The following SLC25A37 variants were observed in gnomAD, a reference collection of about 807,000 sequenced individuals.
The protein encoded by SLC25A37 is solute carrier family 25 member 37, also known as mitoferrin-1.
SLC25A37 carries 17 observed loss-of-function variants against 31.0 expected under a neutral mutation model. The ratio of observed to expected loss-of-function variants is 0.55; its 90% CI spans 0.38 to 0.82. The LOEUF is 0.82. Ranked by LOEUF, SLC25A37 falls within the 40% of genes least tolerant of loss-of-function variation. The pLI is 0.00. For missense variants in SLC25A37, 404 were observed against 465.8 expected (o/e 0.87, Z 1.22); for synonymous variants, 222 against 193.0 (o/e 1.15, Z -1.24).
At chr8:23,542,106 G>A (rs946201659) in intron 1 of SLC25A37, among the ~76,000 whole-genome samples, 2 of 152,068 alleles carry the variant, frequency 1.3e-5, no homozygotes, top group African/African-American at 2.4e-5. Context: ...ACGATGTTTC[G>A]GTCAACTATG....
rs894708716 is a variant in SLC25A37 at position 23,572,916 on chromosome 8, G to A, written c.*1061G>A. 6.6e-6 allele frequency: 1 copy of A among 152,374 alleles called. No individual in the cohort carries two copies. The highest frequency in any genetic ancestry group is 2.4e-5 in the African/African-American group (1 of 41,580). 9.4% of individuals were successfully genotyped at this position (152,374 alleles called of 1,614,324 possible). A position where few individuals can be genotyped will look rare whatever the true frequency, so the allele number is the denominator to read the frequency against. ...CTTGATAGGCAGCATTTGGCGACTT[G>A]TGGGGCAGGTGTTTGGGATAAATCC... On this transcript the variant is annotated 3_prime_UTR_variant, in exon 4 of 4. Transcript: ENST00000519973.
Position 23,538,397 on chromosome 8 carries a change from AAAAAAAAAAC to A in SLC25A37, c.210+9186_210+9195del, listed in dbSNP as rs1321947857. Among the ~76,000 whole-genome samples the A allele has an allele frequency of 1.2e-3, 169 of 143,768 alleles. 11 individuals are homozygous for A. Among genetic ancestry groups the A allele is most frequent in the African/African-American group, 4.1e-3 (162 of 39,150 alleles). The allele number at this position is 143,768 out of a possible 152,430, so 94.3% of individuals were successfully genotyped here. On this transcript the variant is annotated intron_variant, in intron 1 of 3. Transcript: ENST00000519973. The stretch of plus-strand genomic sequence containing the variant: ...CTTCATCTCAAAAAAAAAAAAAAAA[AAAAAAAAAAC>A]CAGAAAAAAAAACTTGCCATTAAAC...
chr8:23,571,717 C>T lies in SLC25A37; in HGVS notation c.879C>T (p.Asn293=), dbSNP rs1802851082. The T allele has an allele frequency of 1.9e-6, 3 of 1,613,924 alleles. No homozygotes were observed. The highest frequency in any genetic ancestry group is 4.5e-5 in the East Asian group (2 of 44,886). The change falls in exon 4 of 4, where the codon AAC becomes AAT. Residue 293 remains asparagine, a synonymous_variant. Transcript: ENST00000519973. The part of the protein sequence containing the change: ...ANAFRTVYQL[N]GLAGYFKGIQ... ...CCTTCCGGACGGTGTACCAGCTCAACGGCCTGGCCGGCTACTTCAAAGGCA... is the reference window on the plus strand; with the variant it reads ...CCTTCCGGACGGTGTACCAGCTCAATGGCCTGGCCGGCTACTTCAAAGGCA...
Position 23,528,961 on chromosome 8 carries a change from T to G in SLC25A37, c.-42T>G, listed in dbSNP as rs1801599643. The G allele has an allele frequency of 2.3e-5, 32 of 1,410,932 alleles. No individual in the cohort carries two copies. In the East Asian group the frequency reaches 9.3e-4, roughly 41 times the overall value. 87.4% of individuals were successfully genotyped at this position (1,410,932 alleles called of 1,614,324 possible). On this transcript the variant is annotated 5_prime_UTR_variant, in exon 1 of 4. Coordinates refer to ENST00000519973, the MANE Select transcript of SLC25A37 (RefSeq NM_016612.4). ...GAAGTTTTGCGCCCCTCCCCCTCCC[T>G]GCCCACCTCCTGCAGCCTCCTGCGC...
At position 23,529,274 on chromosome 8, in the gene SLC25A37, C is replaced by T. The variant is rs1400844660; in HGVS notation, c.210+62C>T. ...GAGAAGGAGCGCGCGCGCGCATTTG[C>T]ATCCCGCGCGCCGGCAGCCTCGGGG... On this transcript the variant is annotated intron_variant, in intron 1 of 3. Coordinates refer to ENST00000519973, the MANE Select transcript of SLC25A37 (RefSeq NM_016612.4). This position sits in a 1 kb window ranked among gnomAD's most constrained non-coding sequence, Gnocchi z 4.1. 1 of 1,489,482 alleles carries T rather than the reference C, an allele frequency of 6.7e-7. No individual in the cohort carries two copies. The highest frequency in any genetic ancestry group is 9.0e-7 in the Non-Finnish European group (1 of 1,106,368). 92.3% of individuals were successfully genotyped at this position (1,489,482 alleles called of 1,614,324 possible).
intron 1 of SLC25A37, among the ~76,000 whole-genome samples, chr8:23,550,098 T>C (rs1802180899): frequency 7.5e-6 from 1 of 133,606 alleles, no homozygotes; most frequent in Non-Finnish European, 1.5e-5. Flanking sequence ...GGAGAATCGC[T>C]TGAACCCGGG....
chr8:23,537,770 G>C (rs1263015100), intron 1 of SLC25A37, among the ~76,000 whole-genome samples: 1 of 152,190 alleles, frequency 6.6e-6, no homozygotes. Flanking sequence ...GCTGATTGGA[G>C]TGGAAGATCC....
intron 1 of SLC25A37, among the ~76,000 whole-genome samples, chr8:23,564,265 C>T (rs920342577): frequency 1.3e-5 from 2 of 152,012 alleles, no homozygotes; most frequent in Admixed American, 6.5e-5. Context: ...TGGTTTTCAC[C>T]GTTCCTCCAA....
At chr8:23,535,817 A>G (rs1428858716) in intron 1 of SLC25A37, among the ~76,000 whole-genome samples, 1 of 152,184 alleles carries the variant, frequency 6.6e-6, no homozygotes, top group Admixed American at 6.5e-5. Flanking sequence ...TTCCCCATAT[A>G]AAATCATCAG....
chr8:23,566,566 A>G, intron 2 of SLC25A37: 1 of 1,296,874 alleles, frequency 7.7e-7, no homozygotes, highest in Non-Finnish European at 9.8e-7. Flanking sequence ...CTGGGGAGAA[A>G]TCAGTGACAG....
chr8:23,559,209 A>G (rs917316608), intron 1 of SLC25A37, among the ~76,000 whole-genome samples: 16 of 152,214 alleles, frequency 1.1e-4, no homozygotes, highest in African/African-American at 3.4e-4. Context: ...ATGCATTTCC[A>G]AGAGGGGAGA....
chr8:23,562,690 A>G (rs1412285980), intron 1 of SLC25A37, among the ~76,000 whole-genome samples: 2 of 152,154 alleles, frequency 1.3e-5, no homozygotes, highest in Non-Finnish European at 2.9e-5. Context: ...ATTACTGACA[A>G]TATTGATGGT....
At chr8:23,556,249 A>C (rs1293199727) in intron 1 of SLC25A37, among the ~76,000 whole-genome samples, 1 of 120,588 alleles carries the variant, frequency 8.3e-6, no homozygotes, top group African/African-American at 3.4e-5. Context: ...TTTTTTTTGC[A>C]ACAGAGTCTT....
chr8:23,530,826 A>G (rs1273516843), intron 1 of SLC25A37, among the ~76,000 whole-genome samples: 1 of 152,178 alleles, frequency 6.6e-6, no homozygotes, highest in Non-Finnish European at 1.5e-5. Context: ...GCATCATTTT[A>G]GCTTATTTTT....
intron 1 of SLC25A37, among the ~76,000 whole-genome samples, chr8:23,565,688 G>T (rs1342931020): frequency 1.3e-5 from 2 of 152,246 alleles, no homozygotes; most frequent in Admixed American, 1.3e-4. Flanking sequence ...CACAACCAGA[G>T]TGGGCACCAC....
chr8:23,566,850 A>C, intron 2 of SLC25A37: 2 of 985,218 alleles, frequency 2.0e-6, no homozygotes, highest in African/African-American at 1.7e-5. Context: ...GACTCGCGCA[A>C]CGCAGAAGGC....
At chr8:23,539,176 G>C (rs1193245411) in intron 1 of SLC25A37, among the ~76,000 whole-genome samples, 1 of 152,220 alleles carries the variant, frequency 6.6e-6, no homozygotes, top group Non-Finnish European at 1.5e-5. Flanking sequence ...GAAATAGGGA[G>C]AAATCCCAGC....
At chr8:23,560,822 A>C (rs1198076378) in intron 1 of SLC25A37, among the ~76,000 whole-genome samples, 4 of 152,230 alleles carry the variant, frequency 2.6e-5, no homozygotes, top group Non-Finnish European at 4.4e-5. Flanking sequence ...GAAAAGAAAC[A>C]CAAGTTATAG....
rs1801606547 is a variant in SLC25A37 at position 23,529,098 on chromosome 8, G to A, written c.96G>A (p.Gly32=). 11 of 1,607,862 alleles carry A rather than the reference G, an allele frequency of 6.8e-6. No homozygotes were observed. The highest frequency in any genetic ancestry group is 9.3e-6 in the Non-Finnish European group (11 of 1,177,940). The change falls in exon 1 of 4, where the codon GGG becomes GGA. Residue 32 remains glycine, a synonymous_variant. Transcript: ENST00000519973. This position sits in a 1 kb window ranked among gnomAD's most constrained non-coding sequence, Gnocchi z 4.1. ...GCGGCGGCGGCAAGGACGCCACCGG[G>A]TCGGAGGACTACGAGAACCTGCCGA... The part of the protein sequence containing the change: ...RDGGGGKDAT[G]SEDYENLPTS...
Sources: gnomAD v4.1 joint callset for allele counts (sites outside exome capture counted in the v4.1 genomes callset) on GRCh38, gnomAD v4.1.1 for gene constraint, Gnocchi (gnomAD v3.1) non-coding constraint, MANE v1.5 for transcripts, NCBI Gene and HGNC (gene_info 2026-07-23, HGNC 2026-07-21) for gene names.